LPIN1: variants seen among roughly 807,000 people sequenced by gnomAD.
LPIN1 encodes the protein lipin 1, also known as phosphatidate phosphatase LPIN1.
LPIN1 carries 71 observed loss-of-function variants against 107.5 expected under a neutral mutation model. That is an observed-to-expected ratio of 0.66 (90% CI 0.55 to 0.80). LPIN1 has a LOEUF of 0.80. LPIN1 is among the 30% of genes least tolerant of loss of function. The pLI is 0.00. For synonymous variants in LPIN1, 445 were observed against 452.6 expected, an observed-to-expected ratio of 0.98 and a Z score of 0.21; for missense variants, 1,043 against 1,160.6, an observed-to-expected ratio of 0.90 and a Z score of 1.47.
chr2:11,820,546 A>G (rs958332610), intron 20 of LPIN1, 32 bp downstream of exon 20: 4 of 1,466,372 alleles, frequency 2.7e-6, no homozygotes, highest in East Asian at 2.3e-5. Flanking sequence ...TGTGATTATG[A>G]TATCAGTACT....
chr2:11,815,477 C>T lies in LPIN1; in HGVS notation c.2402+237C>T, dbSNP rs75560733. Among the ~76,000 whole-genome samples the T allele has an allele frequency of 0.046, 6,977 of 152,186 alleles. 230 individuals are homozygous for T. Among genetic ancestry groups the T allele is most frequent in the South Asian group, 0.12 (592 of 4,814 alleles). ...GCGCTTGGTGGCTCCTCATGGCCTG[C>T]GCCTCCCCTCCTCTCCAGGCGTGTT... is the stretch of plus-strand genomic sequence containing the variant. On this transcript the variant is annotated intron_variant, in intron 18 of 20. Transcript: ENST00000674199.
intron 1 of LPIN1, among the ~76,000 whole-genome samples, chr2:11,754,676 A>G (rs73185121): frequency 0.017 from 2,658 of 152,304 alleles, 64 homozygotes; most frequent in African/African-American, 0.061. Flanking sequence ...GTCCAGGAGC[A>G]AAGACCTTTC....
rs544591195 is a variant in LPIN1 at position 11,767,695 on chromosome 2, C to T, written c.193-68C>T. ...GATAGCGTATCTGTGGAGACTTGGC[C>T]GTCCCCATGAGGTCTCCTGTCCTGG... On this transcript the variant is annotated intron_variant, in intron 2 of 20. Transcript: ENST00000674199. 1.5e-3 allele frequency: 1,426 copies of T among 966,918 alleles called. 4 individuals are homozygous for T. Among genetic ancestry groups the T allele is most frequent in the Non-Finnish European group, 1.9e-3 (1,117 of 589,498 alleles). 59.9% of individuals were successfully genotyped at this position (966,918 alleles called of 1,614,324 possible). A position where few individuals can be genotyped will look rare whatever the true frequency, so the allele number is the denominator to read the frequency against.
At position 11,784,514 on chromosome 2, in the gene LPIN1, G is replaced by A. The variant is rs930049349; in HGVS notation, c.1359-372G>A. ...GTCCACAGCCCAGTAAGTGGCAGCT[G>A]TGCAGCCCTTTTTTCCCCCAGGAGG... On this transcript the variant is annotated intron_variant, in intron 9 of 20. Transcript: ENST00000674199. 2.0e-5 allele frequency among the ~76,000 whole-genome samples: 3 copies of A among 152,180 alleles called. No individual in the cohort carries two copies. In the South Asian group the frequency reaches 6.2e-4, roughly 32 times the overall value.
chr2:11,785,671 C>T (rs1479633509), intron 10 of LPIN1, among the ~76,000 whole-genome samples: 1 of 152,166 alleles, frequency 6.6e-6, no homozygotes, highest in Admixed American at 6.5e-5. Context: ...TCACCACTGC[C>T]TCTTTTCCAT....
At chr2:11,751,635 G>A (rs1276398519) in intron 1 of LPIN1, among the ~76,000 whole-genome samples, 3 of 152,174 alleles carry the variant, frequency 2.0e-5, no homozygotes, top group African/African-American at 7.2e-5. Context: ...GGTGGATTAC[G>A]AGGTCAGGAG....
At chr2:11,807,906 C>G (rs1173719937) in intron 17 of LPIN1, among the ~76,000 whole-genome samples, 1 of 152,126 alleles carries the variant, frequency 6.6e-6, no homozygotes, top group East Asian at 1.9e-4. Flanking sequence ...CTTTCAGGTC[C>G]CAGTCTTCTG....
At position 11,787,175 on chromosome 2, in the gene LPIN1, C is replaced by T; in HGVS notation, c.1643+8C>T. ...GGTAAAGATTGGGAGTAAGTAAGTA[C>T]CTCTTGAAAGTCACTTTGGCAGTAG... is the stretch of plus-strand genomic sequence containing the variant. On this transcript the variant is annotated splice_region_variant and intron_variant, in intron 11 of 20. Coordinates refer to ENST00000674199, the MANE Select transcript of LPIN1 (RefSeq NM_001349206.2). 6.3e-7 allele frequency: 1 copy of T among 1,597,148 alleles called. No homozygotes were observed. The highest frequency in any genetic ancestry group is 8.6e-7 in the Non-Finnish European group (1 of 1,164,480).
chr2:11,765,799 A>G lies in LPIN1; in HGVS notation c.192+66A>G, dbSNP rs1374089768. On this transcript the variant is annotated intron_variant, in intron 2 of 20. Transcript: ENST00000674199. This position sits in a 1 kb window ranked among gnomAD's most constrained non-coding sequence, Gnocchi z 4.4. ...TAGAGAATGCCCTTGTACTCTGGTG[A>G]TGCCACCTGTCTTGAACTCTCAGAC... is the stretch of plus-strand genomic sequence containing the variant. 2 of 1,427,164 alleles carry G rather than the reference A, an allele frequency of 1.4e-6. No homozygotes were observed. The highest frequency in any genetic ancestry group is 1.9e-6 in the Non-Finnish European group (2 of 1,038,254). The allele number at this position is 1,427,164 out of a possible 1,614,324, so 88.4% of individuals were successfully genotyped here.
intron 18 of LPIN1, chr2:11,817,832 C>CTGAG (rs1680835064): frequency 6.8e-6 from 1 of 147,040 alleles, no homozygotes; most frequent in African/African-American, 2.5e-5. Flanking sequence ...ACGCGGGAGG[C>CTGAG]TGAGGCAGGA....
intron 1 of LPIN1, among the ~76,000 whole-genome samples, chr2:11,763,921 A>G (rs948401705): frequency 6.8e-6 from 1 of 147,452 alleles, no homozygotes; most frequent in Non-Finnish European, 1.5e-5. Context: ...TAACTCCCTT[A>G]GTGTTTACTT....
At chr2:11,804,366 C>G in intron 15 of LPIN1, 57 bp from the exon 16 acceptor site, 1 of 1,599,098 alleles carries the variant, frequency 6.3e-7, no homozygotes. Flanking sequence ...AGCCAAATGC[C>G]CATCAATCAG....
In LPIN1 at chr2:11,771,796, G is replaced by A; in HGVS notation, c.596+117G>A. On this transcript the variant is annotated intron_variant, in intron 4 of 20. Transcript: ENST00000674199. The surrounding 1 kb of genome is among the most constrained non-coding windows in gnomAD (Gnocchi z 4.8). Reference sequence around the variant, plus strand: ...ATTCTTTTATGTGTTTTAGACCAGTGGTCCCCAACCTTTTTGGCACTAGGG... The same window carrying A: ...ATTCTTTTATGTGTTTTAGACCAGTAGTCCCCAACCTTTTTGGCACTAGGG... The A allele has an allele frequency of 8.8e-7, 1 of 1,130,480 alleles. No individual in the cohort carries two copies. Among genetic ancestry groups the A allele is most frequent in the Non-Finnish European group, 1.3e-6 (1 of 797,430 alleles). The allele number at this position is 1,130,480 out of a possible 1,614,324, so 70.0% of individuals were successfully genotyped here. A position where few individuals can be genotyped will look rare whatever the true frequency, so the allele number is the denominator to read the frequency against.
chr2:11,777,771 CAGTG>C (rs1406546759), intron 6 of LPIN1, among the ~76,000 whole-genome samples: 1 of 152,212 alleles, frequency 6.6e-6, no homozygotes, highest in African/African-American at 2.4e-5. Flanking sequence ...CATTTAGTGA[CAGTG>C]AGATAATTTA....
chr2:11,748,110 G>T (rs1167223292), intron 1 of LPIN1, among the ~76,000 whole-genome samples: 1 of 152,214 alleles, frequency 6.6e-6, no homozygotes, highest in Non-Finnish European at 1.5e-5. Context: ...GTGAGAGACC[G>T]CAGGGATTCC....
chr2:11,780,448 G>C (rs1172990139), intron 7 of LPIN1, among the ~76,000 whole-genome samples: 1 of 152,150 alleles, frequency 6.6e-6, no homozygotes, highest in Non-Finnish European at 1.5e-5. Flanking sequence ...AGAGGGAAAG[G>C]CTAATAGAAC....
rs970322358 is a variant in LPIN1 at position 11,724,620 on chromosome 2, G to A, written c.-72+81G>A. On this transcript the variant is annotated intron_variant, in intron 1 of 21. Coordinates refer to the LPIN1 transcript ENST00000396097. ...ACAATGTGCCTTCTGATGGGGAGATGAGACTTTCCTCTGAAAGCTAAGGTA... is the reference window on the plus strand; with the variant it reads ...ACAATGTGCCTTCTGATGGGGAGATAAGACTTTCCTCTGAAAGCTAAGGTA... The A allele has an allele frequency of 2.1e-5, 21 of 985,518 alleles. No homozygotes were observed. In the African/African-American group the frequency reaches 3.1e-4, roughly 15 times the overall value. 61.0% of individuals were successfully genotyped at this position (985,518 alleles called of 1,614,324 possible). A position where few individuals can be genotyped will look rare whatever the true frequency, so the allele number is the denominator to read the frequency against.
chr2:11,681,164 T>C (rs1334178111), intron 1 of LPIN1, among the ~76,000 whole-genome samples: 1 of 152,194 alleles, frequency 6.6e-6, no homozygotes, highest in Non-Finnish European at 1.5e-5. Context: ...GTCCTGCATT[T>C]GTCTCTGTAT....
At chr2:11,748,778 C>T (rs573465313) in intron 1 of LPIN1, among the ~76,000 whole-genome samples, 8 of 152,270 alleles carry the variant, frequency 5.3e-5, no homozygotes, top group African/African-American at 1.9e-4. Context: ...GCAAGCCTGC[C>T]AATGGGGGTA....
Sources: allele counts gnomAD v4.1 joint callset (sites outside exome capture counted in the v4.1 genomes callset), GRCh38; gene constraint gnomAD v4.1.1; non-coding constraint Gnocchi (gnomAD v3.1); transcripts MANE v1.5; gene names NCBI Gene and HGNC (gene_info 2026-07-23, HGNC 2026-07-21).